Variants in NDC1 observed in about 807,000 individuals in gnomAD.
NDC1 encodes the protein nucleoporin NDC1.
Under a neutral mutation model 89.8 loss-of-function variants are expected in NDC1, and 24 were observed. That is an observed-to-expected ratio of 0.27 (90% CI 0.19 to 0.38). NDC1 has a LOEUF of 0.38. Ranked by LOEUF, NDC1 falls within the 10% of genes least tolerant of loss-of-function variation. The pLI is 1.00. For synonymous variants in NDC1, 296 were observed against 284.8 expected, an observed-to-expected ratio of 1.04 and a Z score of -0.39; for missense variants, 728 against 797.6, an observed-to-expected ratio of 0.91 and a Z score of 1.05.
chr1:53,835,323 T>C (rs960250941), intron 2 of NDC1, among the ~76,000 whole-genome samples, 177 bp downstream of exon 2: 3 of 152,224 alleles, frequency 2.0e-5, no homozygotes, highest in African/African-American at 7.2e-5. Flanking sequence ...TCTTATTACA[T>C]AATAAAAAGG....
At chr1:53,773,900 T>C (rs1465030800) in intron 16 of NDC1, among the ~76,000 whole-genome samples, 1 of 152,140 alleles carries the variant, frequency 6.6e-6, no homozygotes, top group Admixed American at 6.5e-5. Flanking sequence ...CCCCACATCA[T>C]AGGATCTAGG....
At position 53,838,253 on chromosome 1, in the gene NDC1, C is replaced by A. The variant is rs1417750075; in HGVS notation, c.9G>T (p.Thr3=). 4 of 1,537,258 alleles carry A rather than the reference C, an allele frequency of 2.6e-6. No individual in the cohort carries two copies. The highest frequency in any genetic ancestry group is 4.9e-5 in the East Asian group (2 of 40,788). The stretch of plus-strand genomic sequence containing the variant: ...TGCCGGCGCAGGGCCGGCTCACGGC[C>A]GTGGCCATGGAGATGGCGGCCCCTA... The part of the protein sequence containing the change: MA[T]AVSRPCAGRS... The change falls in exon 1 of 18, where the codon ACG becomes ACT. Residue 3 remains threonine, a synonymous_variant. Coordinates refer to ENST00000371429, the MANE Select transcript of NDC1 (RefSeq NM_018087.5).
At chr1:53,808,043 A>G (rs1402313997) in intron 7 of NDC1, among the ~76,000 whole-genome samples, 2 of 152,210 alleles carry the variant, frequency 1.3e-5, no homozygotes, top group African/African-American at 4.8e-5. Flanking sequence ...GACTTTTACT[A>G]CGAAGGAGGA....
intron 4 of NDC1, among the ~76,000 whole-genome samples, chr1:53,827,189 A>G (rs1377575952): frequency 6.6e-6 from 1 of 151,848 alleles, no homozygotes; most frequent in Non-Finnish European, 1.5e-5. Flanking sequence ...AAAATCAAGT[A>G]TTCAGTAGTA....
chr1:53,795,244 G>C (rs79079056), intron 13 of NDC1, among the ~76,000 whole-genome samples: 1 of 152,058 alleles, frequency 6.6e-6, no homozygotes, highest in Non-Finnish European at 1.5e-5. Flanking sequence ...AGCCATTGGA[G>C]GGCCCCTTTC....
At chr1:53,822,473 C>T (rs370102157) in intron 5 of NDC1, among the ~76,000 whole-genome samples, 15 of 151,890 alleles carry the variant, frequency 9.9e-5, no homozygotes, top group Non-Finnish European at 2.1e-4. Flanking sequence ...GTACACTAAA[C>T]GGTCTGGAAG....
At chr1:53,786,726 C>A (rs1647318380) in intron 16 of NDC1, among the ~76,000 whole-genome samples, 1 of 152,148 alleles carries the variant, frequency 6.6e-6, no homozygotes, top group South Asian at 2.1e-4. Context: ...GAGACAGGGT[C>A]TCGCTCTGTT....
intron 15 of NDC1, among the ~76,000 whole-genome samples, chr1:53,787,920 A>G (rs1229349180): frequency 1.3e-5 from 2 of 151,302 alleles, no homozygotes; most frequent in African/African-American, 4.8e-5. Context: ...GAGAATGGTC[A>G]GGAAAGGCCT....
intron 14 of NDC1, among the ~76,000 whole-genome samples, chr1:53,789,799 C>CAAA (rs35994081): frequency 9.2e-6 from 1 of 109,000 alleles, no homozygotes; most frequent in Non-Finnish European, 1.9e-5. Flanking sequence ...AACTCCATCT[C>CAAA]AAAAAAAAAA....
At chr1:53,801,298 G>A (rs1014837063) in intron 10 of NDC1, among the ~76,000 whole-genome samples, 8 of 152,166 alleles carry the variant, frequency 5.3e-5, no homozygotes, top group Non-Finnish European at 4.4e-5. Flanking sequence ...AAACTTTTGC[G>A]TCTGACCCCC....
At chr1:53,836,518 G>C (rs1649239714) in intron 1 of NDC1, among the ~76,000 whole-genome samples, 1 of 146,164 alleles carries the variant, frequency 6.8e-6, no homozygotes, top group South Asian at 2.2e-4. Context: ...TTGTGATTTT[G>C]AGACAGCTCG....
At chr1:53,778,809 AC>A (rs1323807178) in intron 16 of NDC1, among the ~76,000 whole-genome samples, 1 of 151,854 alleles carries the variant, frequency 6.6e-6, no homozygotes, top group Non-Finnish European at 1.5e-5. Context: ...TTTTTTTTTA[AC>A]CTTTCTTTTA....
intron 3 of NDC1, 93 bp from the exon 4 acceptor site, chr1:53,828,266 C>T: frequency 8.6e-7 from 1 of 1,165,872 alleles, no homozygotes; most frequent in Non-Finnish European, 1.2e-6. Context: ...CACAAATGTT[C>T]CAAAGGCAGA....
chr1:53,832,504 A>C lies in NDC1; in HGVS notation c.266T>G (p.Val89Gly). 1 of 1,572,214 alleles carries C rather than the reference A, an allele frequency of 6.4e-7. No homozygotes were observed. Among genetic ancestry groups the C allele is most frequent in the Non-Finnish European group, 8.8e-7 (1 of 1,142,482 alleles). ...VVIIIISIFNVEFYAVVPSIP... is the reference protein window; with the variant it reads ...VVIIIISIFNGEFYAVVPSIP... The stretch of plus-strand genomic sequence containing the variant: ...TGAAAACTCACCTGCATAGAACTCC[A>C]CATTGAAAATACTTATTATTATTAT... The change falls in exon 3 of 18, where the codon GTG becomes GGG. Residue 89 changes from valine (V) to glycine (G), a missense_variant. Val to Gly is a moderately radical substitution (Grantham distance 109). Transcript: ENST00000371429.
intron 16 of NDC1, among the ~76,000 whole-genome samples, chr1:53,778,420 T>C (rs1487110523): frequency 6.6e-6 from 1 of 152,150 alleles, no homozygotes; most frequent in African/African-American, 2.4e-5. Flanking sequence ...ACTATAGTCA[T>C]AAAATTTCCT....
chr1:53,796,654 A>G lies in NDC1; in HGVS notation c.1584+35T>C, dbSNP rs374541146. 11 of 1,362,476 alleles carry G rather than the reference A, an allele frequency of 8.1e-6. No homozygotes were observed. In the East Asian group the frequency reaches 1.4e-4, roughly 17 times the overall value. 84.4% of individuals were successfully genotyped at this position (1,362,476 alleles called of 1,614,324 possible). The stretch of plus-strand genomic sequence containing the variant: ...AGATCCTTAATGTTCTCAATTTTAC[A>G]TGCAAATATAAATCCTATAACCATA... On this transcript the variant is annotated intron_variant, in intron 13 of 17. Coordinates refer to ENST00000371429, the MANE Select transcript of NDC1 (RefSeq NM_018087.5).
intron 15 of NDC1, among the ~76,000 whole-genome samples, chr1:53,788,870 C>G (rs1647394042): frequency 6.6e-6 from 1 of 151,800 alleles, no homozygotes; most frequent in Non-Finnish European, 1.5e-5. Context: ...GCACTACAGC[C>G]TGGACAACAG....
chr1:53,830,158 A>G (rs1649006934), intron 3 of NDC1, among the ~76,000 whole-genome samples: 2 of 151,644 alleles, frequency 1.3e-5, no homozygotes, highest in African/African-American at 4.8e-5. Flanking sequence ...CTCAAAAAAA[A>G]AGAAAGAAAG....
chr1:53,806,556 T>C (rs1326957079), intron 8 of NDC1, 39 bp from the exon 9 acceptor site: 3 of 1,274,780 alleles, frequency 2.4e-6, no homozygotes, highest in African/African-American at 1.5e-5. Flanking sequence ...ATTATTTTCA[T>C]GATCTTACAT....
Sources: gnomAD v4.1 joint callset for allele counts (sites outside exome capture counted in the v4.1 genomes callset) on GRCh38, gnomAD v4.1.1 for gene constraint, MANE v1.5 for transcripts, NCBI Gene and HGNC (gene_info 2026-07-23, HGNC 2026-07-21) for gene names.